Variants in TNFSF4 observed in about 807,000 individuals in gnomAD.
TNFSF4 encodes the protein tumor necrosis factor ligand superfamily member 4.
TNFSF4 carries 4 observed loss-of-function variants against 7.3 expected under a neutral mutation model. That is an observed-to-expected ratio of 0.55 (90% CI 0.27 to 1.25). TNFSF4 has a LOEUF of 1.25. Among genes scored for constraint, TNFSF4 ranks in the 50% most tolerant of loss-of-function variants. TNFSF4 has a pLI of 0.12. For synonymous variants in TNFSF4, 76 were observed against 83.7 expected (o/e 0.91, Z 0.50); for missense variants, 181 against 208.8 (o/e 0.87, Z 0.82).
At chr1:173,432,814 T>C in the TNFSF4 span, among the ~76,000 whole-genome samples, 6 of 152,298 alleles carry the variant, frequency 3.9e-5, no homozygotes, top group African/African-American at 1.4e-4. Flanking sequence ...GACAGCAATT[T>C]CTTAGGTAAA....
the TNFSF4 span, among the ~76,000 whole-genome samples, chr1:173,227,752 T>C: frequency 4.6e-5 from 7 of 152,330 alleles, no homozygotes; most frequent in South Asian, 4.1e-4. Flanking sequence ...ACTGTGCTTT[T>C]CCAATGGTCT....
the TNFSF4 span, among the ~76,000 whole-genome samples, chr1:173,269,011 C>A: frequency 5.9e-5 from 9 of 152,040 alleles, no homozygotes; most frequent in African/African-American, 2.2e-4. Context: ...CTCAATGATG[C>A]AGTTCAGATA....
the TNFSF4 span, among the ~76,000 whole-genome samples, chr1:173,227,783 G>A: frequency 6.6e-6 from 1 of 152,238 alleles, no homozygotes; most frequent in Admixed American, 6.5e-5. Context: ...CACACCAGGA[G>A]ATTATATCCC....
chr1:173,260,643 G>A, the TNFSF4 span, among the ~76,000 whole-genome samples: 1 of 152,048 alleles, frequency 6.6e-6, no homozygotes, highest in Non-Finnish European at 1.5e-5. Context: ...AGGGATGGAC[G>A]AATATTTATC....
the TNFSF4 span, among the ~76,000 whole-genome samples, chr1:173,444,836 A>C: frequency 6.6e-6 from 1 of 152,220 alleles, no homozygotes; most frequent in Non-Finnish European, 1.5e-5. Context: ...AAGACAGATG[A>C]CAGGAGTGGT....
At chr1:173,193,480 A>T (rs1464033840) in intron 1 of TNFSF4, among the ~76,000 whole-genome samples, 1 of 152,250 alleles carries the variant, frequency 6.6e-6, no homozygotes, top group Non-Finnish European at 1.5e-5. Context: ...TATATTTTGC[A>T]TATGAAGAAA....
At chr1:173,226,396 T>G in the TNFSF4 span, among the ~76,000 whole-genome samples, 1 of 152,126 alleles carries the variant, frequency 6.6e-6, no homozygotes, top group Non-Finnish European at 1.5e-5. Flanking sequence ...CTCTTTTCCC[T>G]TTTTTTGTAC....
At chr1:173,443,822 G>A in the TNFSF4 span, among the ~76,000 whole-genome samples, 1 of 152,270 alleles carries the variant, frequency 6.6e-6, no homozygotes, top group African/African-American at 2.4e-5. Flanking sequence ...CTGTTTTCTA[G>A]AACTCCCTGA....
the TNFSF4 span, among the ~76,000 whole-genome samples, chr1:173,281,434 A>G: frequency 1.3e-5 from 2 of 152,182 alleles, no homozygotes; most frequent in African/African-American, 2.4e-5. Flanking sequence ...GATGAGAGCA[A>G]GAACATGGGA....
chr1:173,413,347 T>C, the TNFSF4 span, among the ~76,000 whole-genome samples: 73 of 152,330 alleles, frequency 4.8e-4, no homozygotes, highest in South Asian at 0.014. Flanking sequence ...TTTCCCTGTA[T>C]CTGTGGGGGA....
chr1:173,447,738 GAGGAGACAACT>G, the TNFSF4 span, among the ~76,000 whole-genome samples: 2 of 152,092 alleles, frequency 1.3e-5, no homozygotes, highest in Non-Finnish European at 2.9e-5. Flanking sequence ...ATTAAAGACA[GAGGAGACAACT>G]AGAAAATCAA....
the TNFSF4 span, among the ~76,000 whole-genome samples, chr1:173,216,117 A>G: frequency 6.6e-6 from 1 of 152,298 alleles, no homozygotes; most frequent in South Asian, 2.1e-4. Context: ...ATCCCTGACA[A>G]GACACTAGAA....
chr1:173,439,563 T>C, the TNFSF4 span, among the ~76,000 whole-genome samples: 5 of 152,142 alleles, frequency 3.3e-5, no homozygotes, highest in Non-Finnish European at 7.3e-5. Context: ...GTGGCCTCAA[T>C]CCTGCTATCC....
At chr1:173,400,469 T>C in the TNFSF4 span, among the ~76,000 whole-genome samples, 1 of 152,232 alleles carries the variant, frequency 6.6e-6, no homozygotes, top group Non-Finnish European at 1.5e-5. Context: ...TTCAACTTTA[T>C]GTTCTGCCTG....
At chr1:173,224,658 T>A in the TNFSF4 span, among the ~76,000 whole-genome samples, 5 of 152,200 alleles carry the variant, frequency 3.3e-5, no homozygotes, top group South Asian at 1.0e-3. Flanking sequence ...TAGACACTAG[T>A]AAGCAGTGGT....
At chr1:173,376,279 G>A in the TNFSF4 span, among the ~76,000 whole-genome samples, 1 of 152,324 alleles carries the variant, frequency 6.6e-6, no homozygotes, top group Non-Finnish European at 1.5e-5. Flanking sequence ...AGGAGTTCGT[G>A]TCCTTTGCAG....
At chr1:173,213,280 C>A in the TNFSF4 span, among the ~76,000 whole-genome samples, 8 of 152,006 alleles carry the variant, frequency 5.3e-5, no homozygotes, top group African/African-American at 2.4e-5. Context: ...CCCTTTCATT[C>A]TTCATGTTGC....
At chr1:173,284,091 C>T in the TNFSF4 span, among the ~76,000 whole-genome samples, 1 of 152,128 alleles carries the variant, frequency 6.6e-6, no homozygotes, top group Admixed American at 6.6e-5. Context: ...AATGCCTAAT[C>T]TGGAGCAAGA....
At chr1:173,240,251 G>T in the TNFSF4 span, among the ~76,000 whole-genome samples, 1 of 152,058 alleles carries the variant, frequency 6.6e-6, no homozygotes, top group Non-Finnish European at 1.5e-5. Context: ...ATCAGTCAAG[G>T]TAGGGCCTCT....
Sources: allele counts gnomAD v4.1 joint callset (sites outside exome capture counted in the v4.1 genomes callset), GRCh38; gene constraint gnomAD v4.1.1; transcripts MANE v1.5; gene names NCBI Gene and HGNC (gene_info 2026-07-23, HGNC 2026-07-21).